The following MYH7B variants were observed in gnomAD, a reference collection of about 807,000 sequenced individuals.
The protein encoded by MYH7B is myosin-7B.
Under a neutral mutation model 234.5 loss-of-function variants are expected in MYH7B, and 205 were observed. The observed-to-expected ratio is 0.87, with a 90% CI of 0.78 to 0.98. The LOEUF is 0.98. MYH7B is among the 50% of genes least tolerant of loss of function. The pLI is 0.00. For missense variants in MYH7B, 2,652 were observed against 2,633.4 expected (o/e 1.01, Z -0.15); for synonymous variants, 1,193 against 1,105.0 (o/e 1.08, Z -1.58).
chr20:34,982,719 G>T (rs1016252832), intron 10 of MYH7B, among the ~76,000 whole-genome samples, 164 bp downstream of exon 10: 21 of 152,096 alleles, frequency 1.4e-4, no homozygotes, highest in Admixed American at 9.2e-4. Flanking sequence ...CCTGAGCAAG[G>T]CTTGACCACA....
At chr20:34,983,319 C>G (rs1368639180) in intron 10 of MYH7B, among the ~76,000 whole-genome samples, 1 of 48,732 alleles carries the variant, frequency 2.1e-5, no homozygotes, top group African/African-American at 9.4e-5. Context: ...TTTTTTTTTG[C>G]CTTTTCCTTT....
chr20:34,999,078 C>T lies in MYH7B; in HGVS notation c.4213C>T (p.Gln1405Ter). Reference sequence around the variant, plus strand: ...TAGAAAAAAGCTGGCACTGCGGCTGCAGGAGGCAGAGGAGGGCGTGGAGGC... The same window carrying T: ...TAGAAAAAAGCTGGCACTGCGGCTGTAGGAGGCAGAGGAGGGCGTGGAGGC... The change falls in exon 36 of 45, where the codon CAG (glutamine) becomes TAG (stop). Residue 1405 changes from glutamine (Q) to a stop codon, truncating the protein, a stop_gained. Coordinates refer to ENST00000262873, the Ensembl canonical transcript of MYH7B. LOFTEE classifies it high-confidence loss of function. 2 of 1,611,416 alleles carry T rather than the reference C, an allele frequency of 1.2e-6. No individual in the cohort carries two copies. The highest frequency in any genetic ancestry group is 1.7e-6 in the Non-Finnish European group (2 of 1,178,858).
chr20:35,000,798 C>G (rs1208818191), exon 40 of MYH7B: 5 of 1,613,888 alleles, frequency 3.1e-6, no homozygotes, highest in Non-Finnish European at 3.4e-6. Flanking sequence ...GAAGAAGAAG[C>G]TGGAGGCGGA....
intron 30 of MYH7B, 124 bp from the exon 31 acceptor site, chr20:34,996,959 C>A: frequency 8.0e-7 from 1 of 1,250,616 alleles, no homozygotes; most frequent in East Asian, 2.6e-5. Context: ...CCTCAGGGCC[C>A]AGTGCAGCAG....
Position 34,990,160 on chromosome 20 carries a change from G to A in MYH7B, c.1900+14G>A, listed in dbSNP as rs182189219. The A allele has an allele frequency of 8.5e-5, 137 of 1,613,970 alleles. 1 individual carries two copies. The African/African-American group carries it at 1.5e-3, about 18-fold the overall frequency. ...GCTCCTGCTCCAGTGAGTATGGAGG[G>A]ACAAGATCTCCACTCTGACAGGGGC... On this transcript the variant is annotated intron_variant, in intron 21 of 44. Transcript: ENST00000262873.
At position 34,987,448 on chromosome 20, in the gene MYH7B, T is replaced by G. The variant is rs73095116; in HGVS notation, c.1148-109T>G. On this transcript the variant is annotated intron_variant, in intron 16 of 44. Transcript: ENST00000262873. ...CTCCTGAGGCTTTGTTTGCTAGCCCTGAACTTGACCCCTCTTAACTTCCCT... is the reference window on the plus strand; with the variant it reads ...CTCCTGAGGCTTTGTTTGCTAGCCCGGAACTTGACCCCTCTTAACTTCCCT... 9.4e-3 allele frequency: 13,289 copies of G among 1,410,744 alleles called. 94 individuals are homozygous for G. Among genetic ancestry groups the G allele is most frequent in the South Asian group, 0.021 (1,616 of 77,012 alleles). 87.4% of individuals were successfully genotyped at this position (1,410,744 alleles called of 1,614,324 possible).
At chr20:34,993,267 G>T (rs770925345) in intron 25 of MYH7B, 42 bp downstream of exon 25, 8 of 1,613,866 alleles carry the variant, frequency 5.0e-6, no homozygotes, top group Non-Finnish European at 5.9e-6. Context: ...GGCTGTGGCG[G>T]TCACACTGGG....
chr20:35,000,754 CCT>C lies in MYH7B; in HGVS notation c.5179-11_5179-10del. ...CTGCTGGCTGGCTGGCTCTGAGACTCCTCTTCCCCTCAGAACACAGGCCTCCT... is the reference window on the plus strand; with the variant it reads ...CTGCTGGCTGGCTGGCTCTGAGACTCCTTCCCCTCAGAACACAGGCCTCCT... On this transcript the variant is annotated splice_polypyrimidine_tract_variant and intron_variant, in intron 39 of 44. Coordinates refer to ENST00000262873, the Ensembl canonical transcript of MYH7B. 1 of 1,610,272 alleles carries C rather than the reference CCT, an allele frequency of 6.2e-7. No homozygotes were observed.
exon 20 of MYH7B, chr20:34,989,907 C>T: frequency 6.2e-7 from 1 of 1,614,124 alleles, no homozygotes; most frequent in South Asian, 1.1e-5. Context: ...AGGTGGTCCA[C>T]TACGCAGGCG....
At chr20:35,000,084 G>A (rs1427399981) in intron 38 of MYH7B, among the ~76,000 whole-genome samples, 178 bp downstream of exon 38, 1 of 152,126 alleles carries the variant, frequency 6.6e-6, no homozygotes, top group Non-Finnish European at 1.5e-5. Context: ...CAGTGGGGGT[G>A]GAGCCAGTCA....
At chr20:34,997,596 G>A (rs1036028753) in exon 32 of MYH7B, 2 of 1,613,628 alleles carry the variant, frequency 1.2e-6, no homozygotes, top group Non-Finnish European at 1.7e-6. Context: ...GCGCATGGAG[G>A]TGGACGACCT....
chr20:34,981,180 T>G, intron 9 of MYH7B, 120 bp downstream of exon 9: 1 of 1,250,640 alleles, frequency 8.0e-7, no homozygotes, highest in Non-Finnish European at 1.1e-6. Context: ...TTTTACCACC[T>G]GGAGCTAGTG....
At chr20:34,978,121 G>A (rs2081886546) in intron 5 of MYH7B, 25 bp downstream of exon 5, 1 of 1,613,032 alleles carries the variant, frequency 6.2e-7, no homozygotes, top group Non-Finnish European at 8.5e-7. Flanking sequence ...AGGGGGAGGG[G>A]TCATAGCCAC....
At chr20:34,979,529 C>G (rs1293185897) in intron 6 of MYH7B, 33 bp downstream of exon 6, 1 of 1,600,684 alleles carries the variant, frequency 6.2e-7, no homozygotes, top group South Asian at 1.1e-5. Context: ...ATTAGCCTCT[C>G]TGTCCCTAGG....
At position 34,962,856 on chromosome 20, in the gene MYH7B, A is replaced by G. The variant is rs143510232; in HGVS notation, c.-222+4644A>G. The stretch of plus-strand genomic sequence containing the variant: ...CTCACGCCTGTCATCCCAGAACCTC[A>G]GGAGACCAAGGCTGGCAGATCACCT... On this transcript the variant is annotated intron_variant, in intron 2 of 44. Transcript: ENST00000262873. Among the ~76,000 whole-genome samples, 60 of 152,330 alleles carry G rather than the reference A, an allele frequency of 3.9e-4. 1 individual carries two copies. In the East Asian group the frequency reaches 0.011, roughly 28 times the overall value.
chr20:34,997,413 C>CTCA (rs756210377), exon 32 of MYH7B: 1 of 1,474,588 alleles, frequency 6.8e-7, no homozygotes, highest in South Asian at 1.4e-5. Flanking sequence ...CTGCCGCAAG[C>CTCA]GGGAGGCGGA....
At chr20:34,969,436 A>G (rs2081772385) in intron 2 of MYH7B, among the ~76,000 whole-genome samples, 1 of 151,914 alleles carries the variant, frequency 6.6e-6, no homozygotes, top group South Asian at 2.1e-4. Flanking sequence ...TTCTTGGGTG[A>G]CTTCCAAAGG....
chr20:34,962,966 C>G (rs1225696826), intron 2 of MYH7B, among the ~76,000 whole-genome samples: 1 of 152,174 alleles, frequency 6.6e-6, no homozygotes, highest in Non-Finnish European at 1.5e-5. Context: ...GGCGTGGTGG[C>G]GCACACCTGT....
intron 7 of MYH7B, chr20:34,980,232 A>G: frequency 6.2e-6 from 2 of 324,770 alleles, no homozygotes; most frequent in Non-Finnish European, 1.2e-5. Flanking sequence ...TGGGGATGGG[A>G]ACTTGCGTAT....
Sources: allele counts gnomAD v4.1 joint callset (sites outside exome capture counted in the v4.1 genomes callset), GRCh38; gene constraint gnomAD v4.1.1; transcripts MANE v1.5; gene names NCBI Gene and HGNC (gene_info 2026-07-23, HGNC 2026-07-21).